Variants in GUCY1A2 observed in about 807,000 individuals in gnomAD.
GUCY1A2 encodes the protein guanylate cyclase soluble subunit alpha-2.
A neutral mutation model predicts 63.5 loss-of-function variants in GUCY1A2; 27 were observed. The observed-to-expected ratio is 0.43, with a 90% CI of 0.31 to 0.59. The LOEUF is 0.59. Ranked by LOEUF, GUCY1A2 falls within the 20% of genes least tolerant of loss-of-function variation. The pLI, the probability that GUCY1A2 is intolerant of heterozygous loss-of-function variation, is 0.11. For synonymous variants in GUCY1A2, 364 were observed against 343.5 expected (o/e 1.06, Z -0.66); for missense variants, 768 against 913.3 (o/e 0.84, Z 2.05).
At chr11:106,812,873 A>G (rs1858780964) in intron 4 of GUCY1A2, among the ~76,000 whole-genome samples, 1 of 151,990 alleles carries the variant, frequency 6.6e-6, no homozygotes, top group African/African-American at 2.4e-5. Flanking sequence ...AAAGTAAATA[A>G]CTTCCTTTTC....
chr11:107,014,317 G>A (rs1266620141), intron 1 of GUCY1A2, among the ~76,000 whole-genome samples: 3 of 151,940 alleles, frequency 2.0e-5, no homozygotes, highest in Admixed American at 1.3e-4. Flanking sequence ...TCAATCTCTT[G>A]ACCTAGTGAT....
chr11:106,707,802 G>C (rs1007660823), intron 7 of GUCY1A2, among the ~76,000 whole-genome samples: 1 of 152,048 alleles, frequency 6.6e-6, no homozygotes, highest in South Asian at 2.1e-4. Context: ...AAAATGTGTA[G>C]TGTTGTCAAA....
In GUCY1A2 at chr11:106,911,735, A is replaced by G. The variant is rs115915058; in HGVS notation, c.1206+27725T>C. The stretch of plus-strand genomic sequence containing the variant: ...GCACAAACATGAACAATGCTTTGGA[A>G]ATACATGCTTTTTAAAGTCCTTTTT... On this transcript the variant is annotated intron_variant, in intron 4 of 7. Coordinates refer to ENST00000526355, the MANE Select transcript of GUCY1A2 (RefSeq NM_000855.3). Among the ~76,000 whole-genome samples, 426 of 152,202 alleles carry G rather than the reference A, an allele frequency of 2.8e-3. 1 individual carries two copies. The highest frequency in any genetic ancestry group is 9.6e-3 in the African/African-American group (401 of 41,568).
chr11:106,864,689 A>T (rs147286963), intron 4 of GUCY1A2, among the ~76,000 whole-genome samples: 1,996 of 152,152 alleles, frequency 0.013, 43 homozygotes, highest in African/African-American at 0.045. Context: ...GTTTTTGTCA[A>T]TGGTTCTGTT....
intron 4 of GUCY1A2, among the ~76,000 whole-genome samples, chr11:106,853,193 G>A (rs1381734045): frequency 6.6e-6 from 1 of 152,014 alleles, no homozygotes; most frequent in Non-Finnish European, 1.5e-5. Context: ...AAAAGACTTG[G>A]GAAATTTTCA....
intron 6 of GUCY1A2, among the ~76,000 whole-genome samples, chr11:106,749,804 A>C (rs946081882): frequency 6.6e-5 from 10 of 152,060 alleles, no homozygotes; most frequent in Non-Finnish European, 1.5e-5. Flanking sequence ...TCTCCTTCCA[A>C]GTAAACTACC....
At chr11:106,791,013 C>G (rs928202712) in intron 5 of GUCY1A2, among the ~76,000 whole-genome samples, 1 of 152,198 alleles carries the variant, frequency 6.6e-6, no homozygotes, top group Non-Finnish European at 1.5e-5. Context: ...AGTTGTGTCT[C>G]CCACAAGTCC....
At chr11:106,724,618 G>A (rs544727653) in intron 6 of GUCY1A2, among the ~76,000 whole-genome samples, 1 of 152,308 alleles carries the variant, frequency 6.6e-6, no homozygotes, top group South Asian at 2.1e-4. Context: ...TGGTTTAAGA[G>A]TCTTGGATTT....
chr11:106,702,067 T>C (rs1181162830), intron 7 of GUCY1A2, among the ~76,000 whole-genome samples: 1 of 152,178 alleles, frequency 6.6e-6, no homozygotes, highest in Non-Finnish European at 1.5e-5. Context: ...TTTAGCTCAA[T>C]GTTCTTAGTG....
intron 3 of GUCY1A2, among the ~76,000 whole-genome samples, chr11:106,961,626 T>G (rs1233040726): frequency 6.6e-6 from 1 of 152,218 alleles, no homozygotes; most frequent in African/African-American, 2.4e-5. Flanking sequence ...CCACATTCCT[T>G]TCAAAATGCT....
intron 4 of GUCY1A2, among the ~76,000 whole-genome samples, chr11:106,904,045 C>G (rs1042802807): frequency 1.3e-5 from 2 of 152,118 alleles, no homozygotes; most frequent in Admixed American, 6.6e-5. Context: ...TTTCTCATAG[C>G]TATCATAGTC....
chr11:106,919,689 T>C (rs1860416370), intron 4 of GUCY1A2, among the ~76,000 whole-genome samples: 1 of 151,978 alleles, frequency 6.6e-6, no homozygotes, highest in Non-Finnish European at 1.5e-5. Context: ...GGTAGAAGAG[T>C]ATTTTAGGAA....
At chr11:106,978,507 C>T in intron 3 of GUCY1A2, 112 bp downstream of exon 3, 1 of 654,648 alleles carries the variant, frequency 1.5e-6, no homozygotes, top group African/African-American at 1.9e-5. Context: ...GTCTGGGTCT[C>T]AACTTGCCAT....
At chr11:106,868,310 CA>C (rs1191966384) in intron 4 of GUCY1A2, among the ~76,000 whole-genome samples, 1 of 152,100 alleles carries the variant, frequency 6.6e-6, no homozygotes, top group East Asian at 1.9e-4. Flanking sequence ...AAGAGGAAGT[CA>C]AATTGTCCCT....
chr11:106,820,964 T>C (rs1858894247), intron 4 of GUCY1A2, among the ~76,000 whole-genome samples: 1 of 152,234 alleles, frequency 6.6e-6, no homozygotes, highest in Non-Finnish European at 1.5e-5. Context: ...CTTGTGTGTT[T>C]GCATTTAGTT....
Position 106,686,307 on chromosome 11 carries a change from C to G in GUCY1A2, c.*1242G>C. The stretch of plus-strand genomic sequence containing the variant: ...TCTGTAACTATAATGATTACTAGTT[C>G]TGAAGATTATACCTACTTCAGTATT... On this transcript the variant is annotated 3_prime_UTR_variant, in exon 8 of 8. Transcript: ENST00000526355. 9.1e-6 allele frequency: 2 copies of G among 219,320 alleles called. No individual in the cohort carries two copies. Among genetic ancestry groups the G allele is most frequent in the Non-Finnish European group, 1.8e-5 (2 of 109,168 alleles). 13.6% of individuals were successfully genotyped at this position (219,320 alleles called of 1,614,324 possible).
chr11:106,767,343 C>CT (rs998776109), intron 6 of GUCY1A2, among the ~76,000 whole-genome samples: 1 of 152,030 alleles, frequency 6.6e-6, no homozygotes, highest in Non-Finnish European at 1.5e-5. Context: ...ATCAGTTTAG[C>CT]TTTTTTTCCC....
At position 106,917,971 on chromosome 11, in the gene GUCY1A2, A is replaced by C. The variant is rs1470949724; in HGVS notation, c.1206+21489T>G. On this transcript the variant is annotated intron_variant, in intron 4 of 7. Transcript: ENST00000526355. ...AAAAAAAAAGAAATTAGCAAAGCCC[A>C]ACAAGGAGAAGTGGGTACCATGGGC... is the stretch of plus-strand genomic sequence containing the variant. Among the ~76,000 whole-genome samples, 3 of 144,374 alleles carry C rather than the reference A, an allele frequency of 2.1e-5. 1 individual carries two copies. Among genetic ancestry groups the C allele is most frequent in the Non-Finnish European group, 3.1e-5 (2 of 64,378 alleles). The allele number at this position is 144,374 out of a possible 152,430, so 94.7% of individuals were successfully genotyped here. A position where few individuals can be genotyped will look rare whatever the true frequency, so the allele number is the denominator to read the frequency against.
At chr11:106,826,436 C>T (rs1364205767) in intron 4 of GUCY1A2, 86 of 1,570,784 alleles carry the variant, frequency 5.5e-5, no homozygotes, top group Non-Finnish European at 6.8e-5. Context: ...TCTAGCAGAT[C>T]TTCTCCATAT....
Sources: gnomAD v4.1 joint callset for allele counts (sites outside exome capture counted in the v4.1 genomes callset) on GRCh38, gnomAD v4.1.1 for gene constraint, MANE v1.5 for transcripts, NCBI Gene and HGNC (gene_info 2026-07-23, HGNC 2026-07-21) for gene names.